GSDMC: variants seen among roughly 807,000 people sequenced by gnomAD.
GSDMC encodes gasdermin-C.
A neutral mutation model predicts 58.0 loss-of-function variants in GSDMC; 59 were observed. The observed-to-expected ratio is 1.02, with a 90% CI of 0.82 to 1.26. The LOEUF (loss-of-function observed/expected upper bound fraction) is 1.26, where lower values mean the gene tolerates loss of function less well. Ranked by LOEUF, GSDMC falls within the 50% of genes most tolerant of loss-of-function variation. GSDMC has a pLI of 0.00. For synonymous variants in GSDMC, 241 were observed against 220.2 expected, an observed-to-expected ratio of 1.09 and a Z score of -0.83; for missense variants, 659 against 598.5, an observed-to-expected ratio of 1.10 and a Z score of -1.06.
At chr8:129,722,819 C>T in the GSDMC span, among the ~76,000 whole-genome samples, 1 of 152,192 alleles carries the variant, frequency 6.6e-6, no homozygotes, top group East Asian at 1.9e-4. Context: ...TTTCAAAACA[C>T]ATATTTAAAA....
At chr8:129,752,267 A>G in intron 7 of GSDMC, 120 bp from the exon 8 acceptor site, 1 of 792,260 alleles carries the variant, frequency 1.3e-6, no homozygotes, top group Non-Finnish European at 2.1e-6. Context: ...TATTTCTCAC[A>G]TGTTCCATCA....
the GSDMC span, among the ~76,000 whole-genome samples, chr8:129,719,416 C>T: frequency 1.3e-5 from 2 of 152,110 alleles, no homozygotes; most frequent in African/African-American, 4.8e-5. Context: ...GAAAAATTTA[C>T]AATTATGGTG....
rs374294840 is a variant in GSDMC at position 129,751,899 on chromosome 8, A to G, written c.887-8T>C. ...TGTGAACTTGTTCGTATTCTAAAAAAAGAAATGAAATTCCTCACCAAAGAG... is the reference window on the plus strand; with the variant it reads ...TGTGAACTTGTTCGTATTCTAAAAAGAGAAATGAAATTCCTCACCAAAGAG... On this transcript the variant is annotated splice_polypyrimidine_tract_variant and splice_region_variant and intron_variant, in intron 8 of 13. Transcript: ENST00000276708. 4 of 1,613,178 alleles carry G rather than the reference A, an allele frequency of 2.5e-6. No homozygotes were observed. The African/African-American group carries it at 5.3e-5, about 22-fold the overall frequency.
At chr8:129,745,349 A>C (rs2032937812), downstream of GSDMC, among the ~76,000 whole-genome samples, 1 of 151,946 alleles carries the variant, frequency 6.6e-6, no homozygotes, top group African/African-American at 2.4e-5. Flanking sequence ...TCTTCACTCA[A>C]CCTCTAAACA....
the GSDMC span, among the ~76,000 whole-genome samples, chr8:129,730,615 A>G: frequency 1.3e-5 from 2 of 152,250 alleles, no homozygotes; most frequent in Admixed American, 1.3e-4. Flanking sequence ...TCAATGCATT[A>G]GTAAAAATCA....
the GSDMC span, among the ~76,000 whole-genome samples, chr8:129,736,328 T>C: frequency 8.6e-5 from 13 of 151,978 alleles, no homozygotes; most frequent in Non-Finnish European, 1.9e-4. Context: ...CTGGCACAGA[T>C]GCAACAAAAA....
At chr8:129,784,999 G>A (rs1299591330) in intron 1 of GSDMC, among the ~76,000 whole-genome samples, 1 of 152,132 alleles carries the variant, frequency 6.6e-6, no homozygotes, top group Non-Finnish European at 1.5e-5. Flanking sequence ...GATCAACTGA[G>A]GTCAGGAGTT....
intron 4 of GSDMC, among the ~76,000 whole-genome samples, chr8:129,763,509 T>C (rs77805330): frequency 0.12 from 18,744 of 152,244 alleles, 1,442 homozygotes; most frequent in Admixed American, 0.18. Context: ...CATTGCATTA[T>C]GTCTTTGTTC....
chr8:129,711,447 A>C, the GSDMC span, among the ~76,000 whole-genome samples: 1 of 152,240 alleles, frequency 6.6e-6, no homozygotes, highest in African/African-American at 2.4e-5. Context: ...TCCAAAAGTC[A>C]GTTCCATTAT....
intron 13 of GSDMC, 34 bp from the exon 14 acceptor site, chr8:129,748,774 C>A: frequency 6.8e-7 from 1 of 1,472,780 alleles, no homozygotes; most frequent in East Asian, 2.5e-5. Context: ...TACAGACCAG[C>A]CTTTAAGATG....
chr8:129,735,614 A>G, the GSDMC span, among the ~76,000 whole-genome samples: 1 of 152,010 alleles, frequency 6.6e-6, no homozygotes, highest in Non-Finnish European at 1.5e-5. Context: ...CCAATGAGAA[A>G]AAAAACACAA....
rs148158167 is a variant in GSDMC at position 129,752,762 on chromosome 8, T to C, written c.780A>G (p.Pro260=). The C allele has an allele frequency of 9.3e-6, 15 of 1,614,108 alleles. No homozygotes were observed. The highest frequency in any genetic ancestry group is 2.2e-5 in the South Asian group (2 of 91,090). ...GGGTTGGAGAGATGGTATGAAATGA[T>C]GGTAGCAACCCCTCACTCCTCGCAG... ...YCAARSEGLL[P]SFHTISPTLF... Residue 260 remains proline (P), a synonymous_variant, in exon 7 of 14, where the codon CCA becomes CCG. Transcript: ENST00000276708.
chr8:129,770,290 T>C (rs531662467), intron 3 of GSDMC, among the ~76,000 whole-genome samples: 45 of 151,850 alleles, frequency 3.0e-4, no homozygotes, highest in Middle Eastern at 3.4e-3. Flanking sequence ...AGGCCAGGAG[T>C]TCAAGACCAG....
intron 3 of GSDMC, among the ~76,000 whole-genome samples, chr8:129,771,488 G>A (rs1261578900): frequency 6.6e-6 from 1 of 152,076 alleles, no homozygotes; most frequent in Non-Finnish European, 1.5e-5. Context: ...AATAACAATG[G>A]CACAAAACTA....
At chr8:129,716,397 C>T in the GSDMC span, among the ~76,000 whole-genome samples, 3 of 152,186 alleles carry the variant, frequency 2.0e-5, no homozygotes, top group African/African-American at 7.2e-5. Flanking sequence ...TGGGAGTTCA[C>T]TCATGATTTG....
the GSDMC span, among the ~76,000 whole-genome samples, chr8:129,741,099 T>C: frequency 1.3e-5 from 2 of 152,250 alleles, no homozygotes; most frequent in Middle Eastern, 3.4e-3. Flanking sequence ...ATTGAAGAGA[T>C]TGTTCTTTCC....
chr8:129,715,985 A>C, the GSDMC span, among the ~76,000 whole-genome samples: 40 of 152,332 alleles, frequency 2.6e-4, no homozygotes, highest in Non-Finnish European at 4.0e-4. Context: ...ACTTGAACCT[A>C]AAGCAACTTC....
intron 1 of GSDMC, among the ~76,000 whole-genome samples, chr8:129,782,014 G>A (rs752739647): frequency 2.0e-5 from 3 of 152,200 alleles, no homozygotes; most frequent in South Asian, 2.1e-4. Context: ...ATAATATAAC[G>A]TATCTTCTCT....
Position 129,765,608 on chromosome 8 carries a change from A to C in GSDMC, c.570+20T>G, listed in dbSNP as rs756805875. 1.2e-5 allele frequency: 19 copies of C among 1,598,596 alleles called. No homozygotes were observed. In the South Asian group the frequency reaches 2.1e-4, roughly 18 times the overall value. ...CTGTATTTTTTTGAATTTCAATCCC[A>C]CTTCAGGACAACTTTATACCTTGCC... On this transcript the variant is annotated intron_variant, in intron 4 of 13. Transcript: ENST00000276708.
Sources: gnomAD v4.1 joint callset for allele counts (sites outside exome capture counted in the v4.1 genomes callset) on GRCh38, gnomAD v4.1.1 for gene constraint, MANE v1.5 for transcripts, NCBI Gene and HGNC (gene_info 2026-07-23, HGNC 2026-07-21) for gene names.